Variants in GDF7 observed in about 807,000 individuals in gnomAD.
GDF7 encodes growth/differentiation factor 7.
Under a neutral mutation model 13.4 loss-of-function variants are expected in GDF7, and 12 were observed. The observed-to-expected ratio is 0.90, with a 90% confidence interval of 0.57 to 1.45. The LOEUF (loss-of-function observed/expected upper bound fraction) is 1.45. Ranked by LOEUF, GDF7 falls within the 40% of genes most tolerant of loss-of-function variation. The pLI is 0.00. For synonymous variants in GDF7, 330 were observed against 306.4 expected (o/e 1.08, Z -0.80); for missense variants, 651 against 652.4 (o/e 1.00, Z 0.02).
At position 20,671,213 on chromosome 2, in the gene GDF7, C is replaced by A. The variant is rs1662118984; in HGVS notation, c.1141C>A (p.Leu381Ile). 2 of 1,613,870 alleles carry A rather than the reference C, an allele frequency of 1.2e-6. No individual in the cohort carries two copies. Among genetic ancestry groups the A allele is most frequent in the Non-Finnish European group, 1.7e-6 (2 of 1,179,954 alleles). Residue 381 changes from leucine to isoleucine, a missense_variant, in exon 2 of 2, where the codon CTT becomes ATT. Leu to Ile is a conservative substitution (Grantham distance 5, BLOSUM62 2). Transcript: ENST00000272224. ...CTACGAGGCGTACCACTGCGAGGGC[C>A]TTTGCGACTTCCCTTTGCGTTCGCA... ...LDYEAYHCEG[L>I]CDFPLRSHLE...
chr2:20,668,883 C>A (rs903581485), intron 1 of GDF7, among the ~76,000 whole-genome samples: 2 of 152,106 alleles, frequency 1.3e-5, no homozygotes, highest in Non-Finnish European at 2.9e-5. Flanking sequence ...TATAGGACGC[C>A]CTAGTTCTGG....
chr2:20,671,489 C>A lies in GDF7; in HGVS notation c.*64C>A. 2 of 1,536,358 alleles carry A rather than the reference C, an allele frequency of 1.3e-6. No individual in the cohort carries two copies. The highest frequency in any genetic ancestry group is 1.2e-5 in the South Asian group (1 of 80,358). On this transcript the variant is annotated 3_prime_UTR_variant, in exon 2 of 2. Coordinates refer to ENST00000272224, the MANE Select transcript of GDF7 (RefSeq NM_182828.4). ...TCCCCAGCTGATGAGCAGCAGCGGGCCACCCTGTCACCGAGCGTGGGTGCA... is the reference window on the plus strand; with the variant it reads ...TCCCCAGCTGATGAGCAGCAGCGGGACACCCTGTCACCGAGCGTGGGTGCA...
chr2:20,668,489 A>G (rs1447136974), intron 1 of GDF7, among the ~76,000 whole-genome samples: 1 of 152,236 alleles, frequency 6.6e-6, no homozygotes, highest in Admixed American at 6.5e-5. Context: ...GCAGACAGAT[A>G]GAGAAAATTT....
In GDF7 at chr2:20,667,361, G is replaced by GA; in HGVS notation, c.122_123insA (p.Gly43ArgfsTer107). Reference sequence around the variant, plus strand: ...GGGGCTGGGCCGGTCCGGAGCCCAGGGGGCGGCGGCGGCGGCGGCGGCGGC... The same window carrying GA: ...GGGGCTGGGCCGGTCCGGAGCCCAGGAGGGCGGCGGCGGCGGCGGCGGCGGC... On this transcript the variant is annotated frameshift_variant, in exon 1 of 2. Transcript: ENST00000272224. LOFTEE classifies it high-confidence loss of function. This position sits in a 1 kb window ranked among gnomAD's most constrained non-coding sequence, Gnocchi z 6.4. The GA allele has an allele frequency of 3.1e-6, 3 of 952,860 alleles. No individual in the cohort carries two copies. Among genetic ancestry groups the GA allele is most frequent in the Non-Finnish European group, 3.6e-6 (3 of 824,150 alleles). 59.0% of individuals were successfully genotyped at this position (952,860 alleles called of 1,614,324 possible). A position where few individuals can be genotyped will look rare whatever the true frequency, so the allele number is the denominator to read the frequency against.
In GDF7 at chr2:20,670,505, G is replaced by C. The variant is rs756601899; in HGVS notation, c.433G>C (p.Val145Leu). The C allele has an allele frequency of 2.0e-5, 32 of 1,579,094 alleles. No homozygotes were observed. The highest frequency in any genetic ancestry group is 2.7e-5 in the Non-Finnish European group (32 of 1,164,164). Residue 145 changes from valine (V) to leucine (L), a missense_variant, in exon 2 of 2, where the codon GTG becomes CTG. Transcript: ENST00000272224. ...AETGQSFLFD[V>L]SSLNDADEVV... is the part of the protein sequence containing the mutation. ...AACAGGCCAGAGCTTCCTGTTCGAC[G>C]TGTCCAGCCTTAACGACGCAGACGA... is the stretch of plus-strand genomic sequence containing the variant.
rs996412153 is a variant in GDF7 at position 20,672,514 on chromosome 2, T to C, written c.*1089T>C. The C allele has an allele frequency of 1.3e-5, 2 of 152,254 alleles. No individual in the cohort carries two copies. The highest frequency in any genetic ancestry group is 4.8e-5 in the African/African-American group (2 of 41,464). The allele number at this position is 152,254 out of a possible 1,614,324, so 9.4% of individuals were successfully genotyped here. Reference sequence around the variant, plus strand: ...GTAGGCGGAAGCTCCCGGGGCCGACTCGGGCTTGTGCTAGTTATCAAGTAA... The same window carrying C: ...GTAGGCGGAAGCTCCCGGGGCCGACCCGGGCTTGTGCTAGTTATCAAGTAA... On this transcript the variant is annotated 3_prime_UTR_variant, in exon 2 of 2. Coordinates refer to ENST00000272224, the MANE Select transcript of GDF7 (RefSeq NM_182828.4).
chr2:20,670,563 G>C lies in GDF7; in HGVS notation c.491G>C (p.Arg164Pro), dbSNP rs1182651867. 1 of 1,607,030 alleles carries C rather than the reference G, an allele frequency of 6.2e-7. No individual in the cohort carries two copies. The highest frequency in any genetic ancestry group is 8.5e-7 in the Non-Finnish European group (1 of 1,177,810). ...VVGAELRVLR[R>P]GSPESGPGSW... ...GGTGCCGAGCTGCGCGTGCTGCGCC[G>C]GGGATCTCCAGAGTCGGGCCCAGGC... The change falls in exon 2 of 2, where the codon CGG becomes CCG. Residue 164 changes from arginine (R) to proline (P), a missense_variant. By Grantham distance (103) the Arg-to-Pro change is moderately radical (BLOSUM62 -2). This residue lies in a region of GDF7 where 487 missense variants were observed against 445.9 expected (regional missense o/e 1.09). Transcript: ENST00000272224.
In GDF7 at chr2:20,677,044, G is replaced by A. The variant is rs558388458; in HGVS notation, c.*5619G>A. 1 of 152,372 alleles carries A rather than the reference G, an allele frequency of 6.6e-6. No individual in the cohort carries two copies. Among genetic ancestry groups the A allele is most frequent in the South Asian group, 2.1e-4 (1 of 4,824 alleles). The allele number at this position is 152,372 out of a possible 1,614,324, so 9.4% of individuals were successfully genotyped here. A position where few individuals can be genotyped will look rare whatever the true frequency, so the allele number is the denominator to read the frequency against. On this transcript the variant is annotated 3_prime_UTR_variant, in exon 2 of 2. Transcript: ENST00000272224. ...CCCTGACAGTGGCAAGGGGGCTGCA[G>A]CGGTCACAGAAACTTCCGGAGAGAG...
In GDF7 at chr2:20,670,534, G is replaced by A; in HGVS notation, c.462G>A (p.Val154=). 1 of 1,603,214 alleles carries A rather than the reference G, an allele frequency of 6.2e-7. No homozygotes were observed. The highest frequency in any genetic ancestry group is 8.5e-7 in the Non-Finnish European group (1 of 1,176,030). ...CCAGCCTTAACGACGCAGACGAGGT[G>A]GTGGGTGCCGAGCTGCGCGTGCTGC... ...DVSSLNDADE[V]VGAELRVLRR... is the part of the protein sequence containing the mutation. Residue 154 remains valine (V), a synonymous_variant, in exon 2 of 2, where the codon GTG becomes GTA. Coordinates refer to ENST00000272224, the MANE Select transcript of GDF7 (RefSeq NM_182828.4).
In GDF7 at chr2:20,673,748, G is replaced by T. The variant is rs75983626; in HGVS notation, c.*2323G>T. On this transcript the variant is annotated 3_prime_UTR_variant, in exon 2 of 2. Coordinates refer to ENST00000272224, the MANE Select transcript of GDF7 (RefSeq NM_182828.4). ...CCTTCTGATGACCTCCTTCTAACGA[G>T]ATGTGTTGTGAGTGGTGTGGGAAGT... 5,833 of 152,296 alleles carry T rather than the reference G, an allele frequency of 0.038. 123 individuals are homozygous for T. Among genetic ancestry groups the T allele is most frequent in the Non-Finnish European group, 0.064 (4,372 of 68,030 alleles). 9.4% of individuals were successfully genotyped at this position (152,296 alleles called of 1,614,324 possible). A position where few individuals can be genotyped will look rare whatever the true frequency, so the allele number is the denominator to read the frequency against.
rs1662169636 is a variant in GDF7, at chr2:20,673,585, G to A, written c.*2160G>A. 1.3e-5 allele frequency: 2 copies of A among 152,228 alleles called. No homozygotes were observed. The highest frequency in any genetic ancestry group is 2.9e-5 in the Non-Finnish European group (2 of 68,042). 9.4% of individuals were successfully genotyped at this position (152,228 alleles called of 1,614,324 possible). A position where few individuals can be genotyped will look rare whatever the true frequency, so the allele number is the denominator to read the frequency against. On this transcript the variant is annotated 3_prime_UTR_variant, in exon 2 of 2. Transcript: ENST00000272224. Reference sequence around the variant, plus strand: ...AATGTTATTTTGAGGAAGGTCTGGGGTATTTAATATCTTTGGATAAAAGCA... The same window carrying A: ...AATGTTATTTTGAGGAAGGTCTGGGATATTTAATATCTTTGGATAAAAGCA...
In GDF7 at chr2:20,671,114, C is replaced by A. The variant is rs752722308; in HGVS notation, c.1042C>A (p.Arg348Ser). 2 of 1,603,618 alleles carry A rather than the reference C, an allele frequency of 1.2e-6. No homozygotes were observed. The highest frequency in any genetic ancestry group is 1.7e-6 in the Non-Finnish European group (2 of 1,175,826). The stretch of plus-strand genomic sequence containing the variant: ...GGGCCACGGGCGCAGGGGCCGGAGC[C>A]GCTGCAGCCGCAAGCCGTTGCACGT... ...GRGHGRRGRS[R>S]CSRKPLHVDF... Residue 348 changes from arginine to serine, a missense_variant, in exon 2 of 2, where the codon CGC becomes AGC. Physicochemically the swap from Arg to Ser is moderately radical, Grantham distance 110 (BLOSUM62 -1). Transcript: ENST00000272224.
Position 20,670,866 on chromosome 2 carries a change from G to A in GDF7, c.794G>A (p.Arg265His). 1 of 1,512,456 alleles carries A rather than the reference G, an allele frequency of 6.6e-7. No homozygotes were observed. The highest frequency in any genetic ancestry group is 1.2e-5 in the South Asian group (1 of 81,662). 93.7% of individuals were successfully genotyped at this position (1,512,456 alleles called of 1,614,324 possible). The change falls in exon 2 of 2, where the codon CGC (arginine) becomes CAC (histidine). Residue 265 changes from arginine (R) to histidine (H), a missense_variant. This residue lies in a region of GDF7 where 487 missense variants were observed against 445.9 expected (regional missense o/e 1.09). Coordinates refer to ENST00000272224, the MANE Select transcript of GDF7 (RefSeq NM_182828.4). ...PGGGGSAAEE[R>H]AVLVVSSRTQ... ...GGAGGGGGCTCTGCGGCAGAGGAGC[G>A]CGCGGTGCTAGTCGTCTCCTCCCGC...
Position 20,677,511 on chromosome 2 carries a change from A to G in GDF7, c.*6086A>G, listed in dbSNP as rs1662251566. On this transcript the variant is annotated 3_prime_UTR_variant, in exon 2 of 2. Coordinates refer to ENST00000272224, the MANE Select transcript of GDF7 (RefSeq NM_182828.4). ...CTGCTCCATCTGACCAGCAGTGGCA[A>G]CAGCCACAACCAGTTCTGCATCTAG... 1.3e-5 allele frequency: 2 copies of G among 152,262 alleles called. No homozygotes were observed. Among genetic ancestry groups the G allele is most frequent in the African/African-American group, 2.4e-5 (1 of 41,478 alleles). The allele number at this position is 152,262 out of a possible 1,614,324, so 9.4% of individuals were successfully genotyped here.
At position 20,670,801 on chromosome 2, in the gene GDF7, C is replaced by T; in HGVS notation, c.729C>T (p.Ser243=). The T allele has an allele frequency of 6.7e-7, 1 of 1,485,816 alleles. No individual in the cohort carries two copies. The allele number at this position is 1,485,816 out of a possible 1,614,324, so 92.0% of individuals were successfully genotyped here. ...GCGCAGTGGCAGGCCCGGTGCCGAG[C>T]CCGTTGGCACTGCGGCGGCTGGGCT... The part of the protein sequence containing the change: ...LLRAVAGPVP[S]PLALRRLGFG... Residue 243 remains serine (S), a synonymous_variant, in exon 2 of 2, where the codon AGC becomes AGT. Transcript: ENST00000272224.
chr2:20,677,966 GGCA>G lies in GDF7; in HGVS notation c.*6559_*6561del, dbSNP rs770614677. Reference sequence around the variant, plus strand: ...TGTCCTGGATCCTCCCCTGGCCTGGGGCAGCAGCAGCAGCAGCAGCTGGGCTTG... The same window carrying G: ...TGTCCTGGATCCTCCCCTGGCCTGGGGCAGCAGCAGCAGCAGCTGGGCTTG... On this transcript the variant is annotated 3_prime_UTR_variant, in exon 2 of 2. Transcript: ENST00000272224. The G allele has an allele frequency of 2.9e-4, 44 of 154,022 alleles. No individual in the cohort carries two copies. Among genetic ancestry groups the G allele is most frequent in the East Asian group, 7.6e-4 (4 of 5,246 alleles). The allele number at this position is 154,022 out of a possible 1,614,324, so 9.5% of individuals were successfully genotyped here. A position where few individuals can be genotyped will look rare whatever the true frequency, so the allele number is the denominator to read the frequency against.
chr2:20,671,371 C>T lies in GDF7; in HGVS notation c.1299C>T (p.Asn433=). Residue 433 remains asparagine, a synonymous_variant, in exon 2 of 2, where the codon AAC becomes AAT. Coordinates refer to ENST00000272224, the MANE Select transcript of GDF7 (RefSeq NM_182828.4). The part of the protein sequence containing the change: ...ISILYIDAAN[N]VVYKQYEDMV... ...TCCTCTACATCGACGCCGCCAACAA[C>T]GTTGTCTACAAGCAATACGAGGACA... 2 of 1,613,208 alleles carry T rather than the reference C, an allele frequency of 1.2e-6. No individual in the cohort carries two copies. Among genetic ancestry groups the T allele is most frequent in the Non-Finnish European group, 1.7e-6 (2 of 1,179,874 alleles).
chr2:20,675,015 C>T lies in GDF7; in HGVS notation c.*3590C>T, dbSNP rs745408484. 7.9e-5 allele frequency: 12 copies of T among 152,216 alleles called. No homozygotes were observed. The highest frequency in any genetic ancestry group is 1.6e-4 in the Non-Finnish European group (11 of 68,020). The allele number at this position is 152,216 out of a possible 1,614,324, so 9.4% of individuals were successfully genotyped here. Reference sequence around the variant, plus strand: ...CTTCTTAGAGCAGGGAGAAAAATTACGTTCTTTCCAAGAGCAGCTCGTGCA... The same window carrying T: ...CTTCTTAGAGCAGGGAGAAAAATTATGTTCTTTCCAAGAGCAGCTCGTGCA... On this transcript the variant is annotated 3_prime_UTR_variant, in exon 2 of 2. Coordinates refer to ENST00000272224, the MANE Select transcript of GDF7 (RefSeq NM_182828.4).
rs565401164 is a variant in GDF7, at chr2:20,671,543, AGGAG to A, written c.*123_*126del. 12 of 996,804 alleles carry A rather than the reference AGGAG, an allele frequency of 1.2e-5. No homozygotes were observed. The East Asian group carries it at 2.9e-4, about 24-fold the overall frequency. The allele number at this position is 996,804 out of a possible 1,614,324, so 61.7% of individuals were successfully genotyped here. A position where few individuals can be genotyped will look rare whatever the true frequency, so the allele number is the denominator to read the frequency against. ...CCGATGTGACCCAGCACCCTCTCAG[AGGAG>A]GGAGAGCACACGTTCACACTCACAC... On this transcript the variant is annotated 3_prime_UTR_variant, in exon 2 of 2. Coordinates refer to ENST00000272224, the MANE Select transcript of GDF7 (RefSeq NM_182828.4).
Sources: allele counts gnomAD v4.1 joint callset (sites outside exome capture counted in the v4.1 genomes callset), GRCh38; gene constraint gnomAD v4.1.1; regional missense constraint gnomAD v4.1.1; non-coding constraint Gnocchi (gnomAD v3.1); transcripts MANE v1.5; gene names NCBI Gene and HGNC (gene_info 2026-07-23, HGNC 2026-07-21).